The following BMPR1B variants were observed in gnomAD, a reference collection of about 807,000 sequenced individuals.
BMPR1B encodes bone morphogenetic protein receptor type 1B, also known as bone morphogenetic protein receptor type-1B.
In BMPR1B, 12 loss-of-function variants were observed where a neutral mutation model predicts 59.1. The observed-to-expected ratio is 0.20, with a 90% CI of 0.13 to 0.33. The LOEUF is 0.33. BMPR1B is among the 10% of genes least tolerant of loss of function. The pLI is 1.00. For synonymous variants in BMPR1B, 237 were observed against 207.3 expected (o/e 1.14, Z -1.23); for missense variants, 550 against 610.9 (o/e 0.90, Z 1.05).
intron 2 of BMPR1B, among the ~76,000 whole-genome samples, chr4:94,936,499 G>C (rs746934502): frequency 1.3e-5 from 2 of 152,082 alleles, no homozygotes; most frequent in African/African-American, 4.8e-5. Context: ...TGTTGTTGTT[G>C]TTGTTGGGGG....
intron 2 of BMPR1B, among the ~76,000 whole-genome samples, chr4:94,958,694 C>T (rs1560567622): frequency 6.6e-6 from 1 of 152,152 alleles, no homozygotes; most frequent in Non-Finnish European, 1.5e-5. Flanking sequence ...CACAATTCAG[C>T]TCATAACAGT....
intron 2 of BMPR1B, among the ~76,000 whole-genome samples, chr4:94,929,602 A>G (rs964590700): frequency 1.3e-5 from 2 of 151,712 alleles, no homozygotes; most frequent in Admixed American, 1.3e-4. Context: ...AAGTTTCTCT[A>G]TTTCCTCTGT....
intron 1 of BMPR1B, among the ~76,000 whole-genome samples, chr4:94,835,439 G>A (rs1022002195): frequency 1.3e-5 from 2 of 152,110 alleles, no homozygotes; most frequent in African/African-American, 4.8e-5. Flanking sequence ...ATATATGCTA[G>A]CATTTTGTCT....
At chr4:95,073,183 T>G (rs1728448957) in intron 3 of BMPR1B, among the ~76,000 whole-genome samples, 1 of 152,172 alleles carries the variant, frequency 6.6e-6, no homozygotes, top group Non-Finnish European at 1.5e-5. Context: ...GAATTAGAAG[T>G]GGCGGGCTTT....
At chr4:94,773,712 A>G (rs1406643280) in intron 1 of BMPR1B, among the ~76,000 whole-genome samples, 1 of 152,110 alleles carries the variant, frequency 6.6e-6, no homozygotes, top group Non-Finnish European at 1.5e-5. Context: ...CAGCAACATG[A>G]TAAATTAGTT....
At chr4:95,117,210 A>G (rs1732134043) in intron 6 of BMPR1B, among the ~76,000 whole-genome samples, 1 of 152,204 alleles carries the variant, frequency 6.6e-6, no homozygotes, top group Non-Finnish European at 1.5e-5. Flanking sequence ...TAAATGGCTA[A>G]CTTTAGCCAC....
intron 4 of BMPR1B, among the ~76,000 whole-genome samples, chr4:95,111,131 T>A (rs964292973): frequency 2.6e-5 from 4 of 152,150 alleles, no homozygotes; most frequent in Non-Finnish European, 5.9e-5. Context: ...CTGTTAATCT[T>A]TCCAGCCAGG....
intron 8 of BMPR1B, among the ~76,000 whole-genome samples, chr4:95,129,183 C>G (rs1454160762): frequency 1.3e-5 from 2 of 152,164 alleles, no homozygotes; most frequent in African/African-American, 4.8e-5. Context: ...AATGAGGAGC[C>G]TTGGCATGCT....
chr4:95,058,821 T>A (rs1727124663), intron 3 of BMPR1B, among the ~76,000 whole-genome samples: 1 of 152,194 alleles, frequency 6.6e-6, no homozygotes, highest in Non-Finnish European at 1.5e-5. Context: ...AAATCACTAT[T>A]TTTTTCAGAT....
At chr4:95,050,483 A>G (rs1205579383) in intron 3 of BMPR1B, among the ~76,000 whole-genome samples, 1 of 152,098 alleles carries the variant, frequency 6.6e-6, no homozygotes, top group African/African-American at 2.4e-5. Context: ...CAAAAAAAAC[A>G]TTGTTGGGTT....
At chr4:94,853,962 G>A (rs1487136101) in intron 1 of BMPR1B, among the ~76,000 whole-genome samples, 1 of 152,168 alleles carries the variant, frequency 6.6e-6, no homozygotes, top group Non-Finnish European at 1.5e-5. Flanking sequence ...TGATTTTACA[G>A]CCTTTTTCTT....
chr4:94,762,598 G>A (rs1344787963), intron 1 of BMPR1B, among the ~76,000 whole-genome samples: 3 of 152,186 alleles, frequency 2.0e-5, no homozygotes, highest in Non-Finnish European at 1.5e-5. Context: ...GGCGAGGTTC[G>A]TAGTATAAAA....
intron 2 of BMPR1B, among the ~76,000 whole-genome samples, chr4:94,902,243 CACACACAGAGAGAGAGAG>C (rs1344816723): frequency 3.1e-5 from 3 of 97,334 alleles, no homozygotes; most frequent in Non-Finnish European, 6.2e-5. Context: ...CACACACACA[CACACACAGAGAGAGAGAG>C]AGAGAGAGAG....
chr4:94,796,212 G>A (rs748844799), intron 1 of BMPR1B, among the ~76,000 whole-genome samples: 15 of 152,010 alleles, frequency 9.9e-5, no homozygotes, highest in Admixed American at 5.9e-4. Context: ...TGATCTGTCC[G>A]CCTCAGCCTC....
chr4:95,114,634 C>A, intron 4 of BMPR1B, 86 bp from the exon 5 acceptor site: 1 of 1,137,732 alleles, frequency 8.8e-7, no homozygotes, highest in Non-Finnish European at 1.3e-6. Context: ...CACTTATTTC[C>A]TTTTCCCCTA....
chr4:94,762,382 G>C (rs970965260), intron 1 of BMPR1B, among the ~76,000 whole-genome samples: 1 of 152,112 alleles, frequency 6.6e-6, no homozygotes, highest in African/African-American at 2.4e-5. Flanking sequence ...ATGTGACTGG[G>C]CTATTTTATA....
Position 95,131,480 on chromosome 4 carries a change from T to C in BMPR1B, c.1044T>C (p.Ile348=), listed in dbSNP as rs373436827. 9 of 1,613,998 alleles carry C rather than the reference T, an allele frequency of 5.6e-6. No homozygotes were observed. The highest frequency in any genetic ancestry group is 6.8e-6 in the Non-Finnish European group (8 of 1,179,998). ...ILVKKNGTCC[I]ADLGLAVKFI... Reference sequence around the variant, plus strand: ...TGAAGAAAAATGGAACTTGCTGTATTGCTGACCTGGGCCTGGCTGTTAAAT... The same window carrying C: ...TGAAGAAAAATGGAACTTGCTGTATCGCTGACCTGGGCCTGGCTGTTAAAT... Residue 348 remains isoleucine (I), a synonymous_variant, in exon 10 of 13, where the codon ATT becomes ATC. Transcript: ENST00000515059.
chr4:94,777,065 A>G (rs1284537482), intron 1 of BMPR1B, among the ~76,000 whole-genome samples: 2 of 152,062 alleles, frequency 1.3e-5, no homozygotes, highest in Admixed American at 6.6e-5. Context: ...ATTTGTATCT[A>G]TTTTCCTTAT....
chr4:94,848,752 C>T (rs1270167864), intron 1 of BMPR1B, among the ~76,000 whole-genome samples: 8 of 152,034 alleles, frequency 5.3e-5, no homozygotes, highest in African/African-American at 1.4e-4. Flanking sequence ...GCTACTGAAG[C>T]GGTTCCAGGT....
Sources: allele counts gnomAD v4.1 joint callset (sites outside exome capture counted in the v4.1 genomes callset), GRCh38; gene constraint gnomAD v4.1.1; transcripts MANE v1.5; gene names NCBI Gene and HGNC (gene_info 2026-07-23, HGNC 2026-07-21).